The following KCNQ3 variants were observed in gnomAD, a reference collection of about 807,000 sequenced individuals.
KCNQ3 encodes potassium voltage-gated channel subfamily KQT member 3.
In KCNQ3, 30 loss-of-function variants were observed where a neutral mutation model predicts 92.5. That is an observed-to-expected ratio of 0.32 (90% CI 0.24 to 0.44). The LOEUF is 0.44. Ranked by LOEUF, KCNQ3 falls within the 20% of genes least tolerant of loss-of-function variation. The pLI, the probability that KCNQ3 is intolerant of heterozygous loss-of-function variation, is 1.00. For missense variants in KCNQ3, 913 were observed against 1,140.3 expected, an observed-to-expected ratio of 0.80 and a Z score of 2.87; for synonymous variants, 450 against 468.8, an observed-to-expected ratio of 0.96 and a Z score of 0.52.
chr8:132,233,273 T>C (rs564753199), intron 1 of KCNQ3, among the ~76,000 whole-genome samples: 2 of 152,336 alleles, frequency 1.3e-5, no homozygotes, highest in East Asian at 1.9e-4. Flanking sequence ...ACCAGAAGCA[T>C]ATTCCATGAC....
intron 1 of KCNQ3, among the ~76,000 whole-genome samples, chr8:132,300,859 G>A (rs1480059207): frequency 2.6e-5 from 4 of 152,182 alleles, no homozygotes; most frequent in Non-Finnish European, 4.4e-5. Flanking sequence ...CACTGGGCAT[G>A]ATGTGAGAAT....
chr8:132,426,370 C>A (rs894413155), intron 1 of KCNQ3, among the ~76,000 whole-genome samples: 1 of 152,198 alleles, frequency 6.6e-6, no homozygotes, highest in African/African-American at 2.4e-5. Context: ...CCTCCTCCAA[C>A]AGAGTTGTTA....
At chr8:132,340,924 T>A (rs887540387) in intron 1 of KCNQ3, among the ~76,000 whole-genome samples, 1 of 152,246 alleles carries the variant, frequency 6.6e-6, no homozygotes, top group African/African-American at 2.4e-5. Context: ...AGTTCTCTGA[T>A]ATAGTTGTCA....
Position 132,180,294 on chromosome 8 carries a change from C to T in KCNQ3, c.640G>A (p.Ala214Thr), listed in dbSNP as rs1563791055. Residue 214 changes from alanine (A) to threonine (T), a missense_variant, in exon 4 of 15, where the codon GCT becomes ACT. Physicochemically the swap from Ala to Thr is moderately conservative, Grantham distance 58. Coordinates refer to ENST00000388996, the MANE Select transcript of KCNQ3 (RefSeq NM_004519.4). ...FVLIASVPVV[A>T]VGNQGNVLAT... ...AGAACATTGCCTTGGTTTCCCACAG[C>T]AACCACTGGCACAGAGGCAATCAGC... 6.2e-7 allele frequency: 1 copy of T among 1,614,158 alleles called. No individual in the cohort carries two copies. Among genetic ancestry groups the T allele is most frequent in the East Asian group, 2.2e-5 (1 of 44,880 alleles).
At chr8:132,285,840 C>G (rs1440003228) in intron 1 of KCNQ3, among the ~76,000 whole-genome samples, 3 of 152,208 alleles carry the variant, frequency 2.0e-5, no homozygotes, top group Admixed American at 2.0e-4. Context: ...GTGTTCCCAA[C>G]TGGCTGACTG....
At chr8:132,293,446 C>A (rs1816916887) in intron 1 of KCNQ3, among the ~76,000 whole-genome samples, 2 of 152,110 alleles carry the variant, frequency 1.3e-5, no homozygotes, top group South Asian at 2.1e-4. Context: ...CAGTGAAAAA[C>A]CCCCATACCT....
chr8:132,435,859 C>T (rs1312777217), intron 1 of KCNQ3, among the ~76,000 whole-genome samples: 3 of 152,152 alleles, frequency 2.0e-5, no homozygotes, highest in Non-Finnish European at 4.4e-5. Context: ...GGAAGGCTCT[C>T]AGCCTTTATT....
intron 1 of KCNQ3, among the ~76,000 whole-genome samples, chr8:132,413,470 G>T (rs1055038258): frequency 1.3e-5 from 2 of 152,144 alleles, no homozygotes; most frequent in Non-Finnish European, 1.5e-5. Flanking sequence ...TCAGCAGAAG[G>T]TTATTAAATA....
intron 1 of KCNQ3, among the ~76,000 whole-genome samples, chr8:132,303,359 A>G (rs1221958142): frequency 6.6e-6 from 1 of 151,472 alleles, no homozygotes; most frequent in African/African-American, 2.4e-5. Context: ...AACTAAATGA[A>G]TCACTACAAC....
At chr8:132,468,744 G>T (rs528088930) in intron 1 of KCNQ3, among the ~76,000 whole-genome samples, 2 of 152,270 alleles carry the variant, frequency 1.3e-5, no homozygotes, top group South Asian at 4.1e-4. Context: ...AAAAAGGAGC[G>T]CATGGAGAGG....
At chr8:132,187,845 G>A (rs1474882215) in intron 1 of KCNQ3, among the ~76,000 whole-genome samples, 69 of 120,788 alleles carry the variant, frequency 5.7e-4, no homozygotes, top group Non-Finnish European at 7.8e-4. Context: ...TGGTGGTGGT[G>A]GTGGTAGTGA....
At chr8:132,375,001 T>C (rs1276898072) in intron 1 of KCNQ3, among the ~76,000 whole-genome samples, 4 of 152,222 alleles carry the variant, frequency 2.6e-5, no homozygotes, top group Non-Finnish European at 5.9e-5. Flanking sequence ...TGTGTACATG[T>C]CTTTGTGGTA....
chr8:132,297,413 AT>A (rs757189562), intron 1 of KCNQ3, among the ~76,000 whole-genome samples: 21 of 152,202 alleles, frequency 1.4e-4, no homozygotes, highest in Non-Finnish European at 2.4e-4. Flanking sequence ...CCATTTGTCA[AT>A]TTTGGAAAAG....
At chr8:132,437,506 T>G (rs1821427783) in intron 1 of KCNQ3, among the ~76,000 whole-genome samples, 1 of 152,202 alleles carries the variant, frequency 6.6e-6, no homozygotes, top group Non-Finnish European at 1.5e-5. Flanking sequence ...TTTCTAACAT[T>G]TAATGTATTA....
intron 1 of KCNQ3, among the ~76,000 whole-genome samples, chr8:132,327,297 C>T (rs981313692): frequency 2.6e-5 from 4 of 152,200 alleles, no homozygotes; most frequent in African/African-American, 7.2e-5. Flanking sequence ...AGATCAGACA[C>T]TCTAAAACCT....
intron 1 of KCNQ3, among the ~76,000 whole-genome samples, chr8:132,254,504 G>GT (rs2130450373): frequency 6.6e-6 from 1 of 152,260 alleles, no homozygotes; most frequent in South Asian, 2.1e-4. Flanking sequence ...ATATGTGTTT[G>GT]TCTCTTCAAG....
chr8:132,262,834 G>C (rs1815834018), intron 1 of KCNQ3, among the ~76,000 whole-genome samples: 1 of 152,092 alleles, frequency 6.6e-6, no homozygotes, highest in Non-Finnish European at 1.5e-5. Flanking sequence ...TGAAAACTAA[G>C]TCTAACTGAA....
intron 3 of KCNQ3, among the ~76,000 whole-genome samples, chr8:132,181,287 T>C (rs1462137002): frequency 6.6e-6 from 1 of 152,280 alleles, no homozygotes; most frequent in African/African-American, 2.4e-5. Flanking sequence ...CACCCCACTT[T>C]CCTGCAGAGT....
chr8:132,165,128 C>T (rs1472795829), intron 8 of KCNQ3, among the ~76,000 whole-genome samples: 1 of 152,198 alleles, frequency 6.6e-6, no homozygotes, highest in Admixed American at 6.5e-5. Flanking sequence ...CTGTCACCTA[C>T]ACTCACTGAA....
Sources: allele counts gnomAD v4.1 joint callset (sites outside exome capture counted in the v4.1 genomes callset), GRCh38; gene constraint gnomAD v4.1.1; transcripts MANE v1.5; gene names NCBI Gene and HGNC (gene_info 2026-07-23, HGNC 2026-07-21).